MEF2C: variants seen among roughly 807,000 people sequenced by gnomAD.
MEF2C encodes myocyte-specific enhancer factor 2C.
MEF2C carries 6 observed loss-of-function variants against 50.5 expected under a neutral mutation model. The observed-to-expected ratio is 0.12, with a 90% CI of 0.07 to 0.23. The LOEUF is 0.23. Ranked by LOEUF, MEF2C falls within the 10% of genes least tolerant of loss-of-function variation. The pLI, the probability that MEF2C is intolerant of heterozygous loss-of-function variation, is 1.00. For missense variants in MEF2C, 276 were observed against 605.0 expected (o/e 0.46, Z 5.70); for synonymous variants, 183 against 228.0 (o/e 0.80, Z 1.78).
rs918363212 is a variant in MEF2C, at chr5:88,828,396, A to C, written c.-142-4466T>G. Among the ~76,000 whole-genome samples the C allele has an allele frequency of 3.3e-5, 5 of 152,042 alleles. No individual in the cohort carries two copies. The East Asian group carries it at 5.8e-4, about 18-fold the overall frequency. ...ATATGTGATGTCAATTTTCAAAAAA[A>C]AATTCCGGTTTTCTTTGATTCATAT... On this transcript the variant is annotated intron_variant, in intron 1 of 10. Coordinates refer to ENST00000504921, the MANE Select transcript of MEF2C (RefSeq NM_002397.5).
chr5:88,838,175 T>G (rs1815922277), intron 1 of MEF2C, among the ~76,000 whole-genome samples: 1 of 152,236 alleles, frequency 6.6e-6, no homozygotes, highest in African/African-American at 2.4e-5. Context: ...CTTAAAATTC[T>G]ATGTAGAAAA....
At chr5:88,876,759 A>G (rs1831185478) in intron 1 of MEF2C, among the ~76,000 whole-genome samples, 1 of 152,050 alleles carries the variant, frequency 6.6e-6, no homozygotes, top group East Asian at 1.9e-4. Context: ...TGATTTTTAA[A>G]AAAACACTTC....
chr5:88,898,720 G>C (rs1292326683), intron 1 of MEF2C, among the ~76,000 whole-genome samples: 1 of 152,082 alleles, frequency 6.6e-6, no homozygotes, highest in Non-Finnish European at 1.5e-5. Flanking sequence ...CATTAATCAT[G>C]TTTTAATTCT....
At chr5:88,870,299 T>C (rs1037219802) in intron 1 of MEF2C, among the ~76,000 whole-genome samples, 1 of 152,066 alleles carries the variant, frequency 6.6e-6, no homozygotes, top group Non-Finnish European at 1.5e-5. Flanking sequence ...GGTTTATGAA[T>C]ATAAAAGTTT....
chr5:88,768,138 T>C lies in MEF2C; in HGVS notation c.259-6810A>G, dbSNP rs78911741. ...CTTCATTCAGGCACTCATTTTATTC[T>C]ACACATTTTCCCACTATAGTCTTAA... On this transcript the variant is annotated intron_variant, in intron 3 of 10. Coordinates refer to ENST00000504921, the MANE Select transcript of MEF2C (RefSeq NM_002397.5). Among the ~76,000 whole-genome samples the C allele has an allele frequency of 5.4e-3, 820 of 152,358 alleles. 7 individuals carry two copies. Among genetic ancestry groups the C allele is most frequent in the African/African-American group, 0.019 (797 of 41,586 alleles).
chr5:88,868,061 A>G (rs1295269807), intron 1 of MEF2C, among the ~76,000 whole-genome samples: 1 of 152,218 alleles, frequency 6.6e-6, no homozygotes, highest in Non-Finnish European at 1.5e-5. Context: ...CCAACCACAA[A>G]GGAGGGTGGT....
At chr5:88,727,682 A>C (rs1759492860) in intron 10 of MEF2C, among the ~76,000 whole-genome samples, 1 of 152,182 alleles carries the variant, frequency 6.6e-6, no homozygotes, top group Non-Finnish European at 1.5e-5. Context: ...AATATTTTAT[A>C]TCCTCCTGGT....
intron 5 of MEF2C, 65 bp downstream of exon 5, chr5:88,751,792 G>T: frequency 1.3e-6 from 2 of 1,526,858 alleles, no homozygotes; most frequent in Non-Finnish European, 1.8e-6. Flanking sequence ...ATAAAGCAGT[G>T]TTGGCTTTGC....
Position 88,823,837 on chromosome 5 carries a change from CCTT to C in MEF2C, c.-52_-50del. ...TCGTCCCTGAAATTATGTATTTTTT[CCTT>C]CCTTTTCTTTCTCTTTCCTGTTTCC... is the stretch of plus-strand genomic sequence containing the variant. On this transcript the variant is annotated 5_prime_UTR_variant, in exon 2 of 11. Transcript: ENST00000504921. 1 of 1,601,596 alleles carries C rather than the reference CCTT, an allele frequency of 6.2e-7. No homozygotes were observed. The highest frequency in any genetic ancestry group is 8.5e-7 in the Non-Finnish European group (1 of 1,173,578).
At chr5:88,900,400 C>A (rs1835528580) in intron 1 of MEF2C, among the ~76,000 whole-genome samples, 1 of 151,218 alleles carries the variant, frequency 6.6e-6, no homozygotes, top group South Asian at 2.1e-4. Flanking sequence ...TTTAATTACT[C>A]CCAATCTTAA....
rs1488785462 is a variant in MEF2C, at chr5:88,719,491, G to T, written c.*3113C>A. 6.6e-6 allele frequency: 1 copy of T among 152,148 alleles called. No homozygotes were observed. The highest frequency in any genetic ancestry group is 6.5e-5 in the Admixed American group (1 of 15,270). The allele number at this position is 152,148 out of a possible 1,614,324, so 9.4% of individuals were successfully genotyped here. A position where few individuals can be genotyped will look rare whatever the true frequency, so the allele number is the denominator to read the frequency against. On this transcript the variant is annotated 3_prime_UTR_variant, in exon 11 of 11. Transcript: ENST00000504921. ...ATTAGATATAACAATACTCGCAGCC[G>T]TGTAAAATGCCACTTATGGATCTTT...
chr5:88,863,746 C>T (rs1826283808), intron 1 of MEF2C, among the ~76,000 whole-genome samples: 1 of 152,122 alleles, frequency 6.6e-6, no homozygotes, highest in Non-Finnish European at 1.5e-5. Context: ...CAGTATTTGT[C>T]TCTCTGTGCC....
Position 88,786,673 on chromosome 5 carries a change from GCTACATATACATA to G in MEF2C, c.258+17912_258+17924del, listed in dbSNP as rs548913813. ...TAACAGAAAACAAAAAATAAAGGCT[GCTACATATACATA>G]CTACATATATGTGTGTATATATATA... On this transcript the variant is annotated intron_variant, in intron 3 of 10. Coordinates refer to ENST00000504921, the MANE Select transcript of MEF2C (RefSeq NM_002397.5). Among the ~76,000 whole-genome samples, 791 of 152,132 alleles carry G rather than the reference GCTACATATACATA, an allele frequency of 5.2e-3. 5 individuals are homozygous for G. Among genetic ancestry groups the G allele is most frequent in the African/African-American group, 0.019 (770 of 41,490 alleles).
At chr5:88,828,086 C>T (rs748813738) in intron 1 of MEF2C, among the ~76,000 whole-genome samples, 2 of 151,912 alleles carry the variant, frequency 1.3e-5, no homozygotes, top group Non-Finnish European at 2.9e-5. Context: ...ATGGAAATGG[C>T]ATTCTACATA....
At chr5:88,874,347 G>A (rs1830447630) in intron 1 of MEF2C, among the ~76,000 whole-genome samples, 2 of 151,886 alleles carry the variant, frequency 1.3e-5, no homozygotes. Flanking sequence ...GAATTTCCAA[G>A]AAAATAAAGA....
chr5:88,884,258 T>G (rs1833762260), upstream of MEF2C: 1 of 152,188 alleles, frequency 6.6e-6, no homozygotes, highest in Non-Finnish European at 1.5e-5. Context: ...CTCTTGTGAC[T>G]TTTCCCCCTT....
At chr5:88,735,907 T>C (rs1763870311) in intron 6 of MEF2C, 1 of 985,286 alleles carries the variant, frequency 1.0e-6, no homozygotes, top group Non-Finnish European at 1.2e-6. Flanking sequence ...TGTTTAGGCA[T>C]TTTGAGTTTT....
At chr5:88,848,274 T>C (rs302483) in intron 1 of MEF2C, among the ~76,000 whole-genome samples, 21,981 of 152,160 alleles carry the variant, frequency 0.14, 3,328 homozygotes, top group African/African-American at 0.38. Context: ...ACCAAAGTTA[T>C]AGTGGCCAAA....
chr5:88,734,589 T>TTTTTTTTTTTG (rs1763292349), intron 6 of MEF2C: 1 of 971,610 alleles, frequency 1.0e-6, no homozygotes, highest in Admixed American at 6.5e-5. Flanking sequence ...TTTTTTTTTT[T>TTTTTTTTTTTG]TTTTTTTTTA....
Sources: gnomAD v4.1 joint callset for allele counts (sites outside exome capture counted in the v4.1 genomes callset) on GRCh38, gnomAD v4.1.1 for gene constraint, MANE v1.5 for transcripts, NCBI Gene and HGNC (gene_info 2026-07-23, HGNC 2026-07-21) for gene names.